Variants in TBL1X observed in about 807,000 individuals in gnomAD.
The protein encoded by TBL1X is transducin beta like 1 X-linked.
Under a neutral mutation model 50.7 loss-of-function variants are expected in TBL1X, and 10 were observed. That is an observed-to-expected ratio of 0.20 (90% CI 0.12 to 0.33). The LOEUF is 0.33. Among genes scored for constraint, TBL1X ranks in the 10% least tolerant of loss-of-function variants. The pLI is 1.00. For synonymous variants in TBL1X, 190 were observed against 214.7 expected (o/e 0.88, Z 1.01); for missense variants, 340 against 504.4 (o/e 0.67, Z 3.12).
chrX:9,508,734 A>G (rs2146956286), intron 2 of TBL1X, among the ~76,000 whole-genome samples: 1 of 112,235 alleles, frequency 8.9e-6, no homozygotes, highest in South Asian at 3.7e-4. Context: ...TGGCACATAT[A>G]CATCATGGAA....
intron 1 of TBL1X, among the ~76,000 whole-genome samples, chrX:9,481,021 G>T (rs986066811): frequency 3.6e-5 from 4 of 111,342 alleles, no homozygotes; most frequent in Non-Finnish European, 7.5e-5. Flanking sequence ...TTAAGTTATT[G>T]TATGCCACAG....
At chrX:9,621,001 G>A (rs1448524346) in intron 2 of TBL1X, among the ~76,000 whole-genome samples, 1 of 112,150 alleles carries the variant, frequency 8.9e-6, no homozygotes, top group African/African-American at 3.2e-5. Context: ...GGGAGTGAAG[G>A]TGTGGCATGT....
intron 1 of TBL1X, among the ~76,000 whole-genome samples, chrX:9,474,484 C>T (rs1199423067): frequency 2.7e-5 from 3 of 113,206 alleles, no homozygotes; most frequent in East Asian, 2.8e-4. Flanking sequence ...TCCAGAGGTA[C>T]AGGTATTAGT....
At chrX:9,712,164 C>T in intron 16 of TBL1X, among the ~76,000 whole-genome samples, 2 of 112,644 alleles carry the variant, frequency 1.8e-5, no homozygotes, top group Middle Eastern at 4.6e-3. Flanking sequence ...GTGCTGCTCT[C>T]TAGATACTGA....
chrX:9,508,879 G>A (rs939343046), intron 2 of TBL1X, among the ~76,000 whole-genome samples: 1 of 109,940 alleles, frequency 9.1e-6, no homozygotes. Flanking sequence ...AGGGGGAGTT[G>A]AACATTGAGA....
At chrX:9,553,424 C>T (rs768505000) in intron 2 of TBL1X, among the ~76,000 whole-genome samples, 1 of 111,989 alleles carries the variant, frequency 8.9e-6, no homozygotes, top group South Asian at 3.8e-4. Flanking sequence ...CATTGCACAT[C>T]GAGAACCTAA....
chrX:9,619,177 G>A (rs2082654000), intron 2 of TBL1X, among the ~76,000 whole-genome samples: 1 of 112,494 alleles, frequency 8.9e-6, no homozygotes, highest in African/African-American at 3.2e-5. Flanking sequence ...TATAACTTGA[G>A]TTTTCTATGA....
At chrX:9,479,966 T>G (rs375170613) in intron 1 of TBL1X, among the ~76,000 whole-genome samples, 41 of 31,933 alleles carry the variant, frequency 1.3e-3, no homozygotes, top group African/African-American at 1.9e-3. Flanking sequence ...GTGTGTGTGT[T>G]TGAGATGGAG....
At chrX:9,632,813 A>G (rs1450309784) in intron 2 of TBL1X, among the ~76,000 whole-genome samples, 2 of 112,053 alleles carry the variant, frequency 1.8e-5, no homozygotes, top group African/African-American at 6.5e-5. Flanking sequence ...TGTGGAAAAG[A>G]TATCAGTAAC....
Position 9,597,428 on chromosome X carries a change from ACT to A in TBL1X, c.-130-42842_-130-42841del, listed in dbSNP as rs1048264954. Among the ~76,000 whole-genome samples the A allele has an allele frequency of 4.5e-5, 5 of 111,070 alleles. 1 individual carries two copies. The Admixed American group carries it at 4.8e-4, about 11-fold the overall frequency. On this transcript the variant is annotated intron_variant, in intron 2 of 17. Transcript: ENST00000645353. Reference sequence around the variant, plus strand: ...GCCTCTGCCACTGAAGTTCCTTTTGACTCTGCAGAAGTCTTTACCTTTCATCT... The same window carrying A: ...GCCTCTGCCACTGAAGTTCCTTTTGACTGCAGAAGTCTTTACCTTTCATCT...
intron 2 of TBL1X, among the ~76,000 whole-genome samples, chrX:9,546,890 C>T (rs201214406): frequency 4.5e-4 from 38 of 84,603 alleles, no homozygotes; most frequent in Admixed American, 9.4e-4. Flanking sequence ...GCGATCTCGG[C>T]TCACTGCAAG....
At chrX:9,594,236 G>A (rs967449993) in intron 2 of TBL1X, among the ~76,000 whole-genome samples, 4 of 112,779 alleles carry the variant, frequency 3.5e-5, no homozygotes, top group Non-Finnish European at 7.5e-5. Flanking sequence ...AGATTAACTT[G>A]TGTGAAATTC....
At chrX:9,705,723 TAAAAAA>T (rs34666783) in intron 13 of TBL1X, among the ~76,000 whole-genome samples, 1 of 78,246 alleles carries the variant, frequency 1.3e-5, no homozygotes, top group Non-Finnish European at 2.4e-5. Context: ...CTTGTCTCTT[TAAAAAA>T]AAAAAAAAAA....
chrX:9,514,091 G>T (rs1170519612), intron 2 of TBL1X, among the ~76,000 whole-genome samples: 1 of 110,875 alleles, frequency 9.0e-6, no homozygotes, highest in African/African-American at 3.3e-5. Context: ...GTGAGATTTG[G>T]AAAGGGAAGA....
chrX:9,672,928 G>A (rs1051458510), intron 5 of TBL1X, among the ~76,000 whole-genome samples: 4 of 112,172 alleles, frequency 3.6e-5, no homozygotes, highest in African/African-American at 1.3e-4. Flanking sequence ...CAGGCTGGGA[G>A]TCCAACATCA....
intron 2 of TBL1X, chrX:9,639,843 C>T (rs1411515207): frequency 2.7e-5 from 3 of 111,774 alleles, no homozygotes; most frequent in African/African-American, 9.8e-5. Context: ...TGTCTTCTCC[C>T]GAGGGTGTGC....
rs928520815 is a variant in TBL1X at position 9,653,639 on chromosome X, G to A, written c.53G>A (p.Arg18Lys). 8.5e-7 allele frequency: 1 copy of A among 1,172,411 alleles called. No homozygotes were observed. Among genetic ancestry groups the A allele is most frequent in the African/African-American group, 1.8e-5 (1 of 56,161 alleles). ...TCGTGCTGCCACCGCCCTGCAGGAA[G>A]AGGGGCCATGCAGTCAGTCTTGCAC... Reference protein sequence around the residue: ...SSSCCHRPAGRGAMQSVLHHF... With the variant: ...SSSCCHRPAGKGAMQSVLHHF... The change falls in exon 4 of 18, where the codon AGA (arginine) becomes AAA (lysine). Residue 18 changes from arginine to lysine, a missense_variant. Around this residue, in one of 6 missense-constraint regions of TBL1X, gnomAD observed 41 missense variants for 48.6 expected, o/e 0.84. Coordinates refer to ENST00000645353, the MANE Select transcript of TBL1X (RefSeq NM_005647.4).
At chrX:9,512,089 T>C (rs990002094) in intron 2 of TBL1X, among the ~76,000 whole-genome samples, 2 of 110,829 alleles carry the variant, frequency 1.8e-5, no homozygotes, top group Non-Finnish European at 3.8e-5. Flanking sequence ...TAACTCCTGG[T>C]CTCAAGTGAT....
rs1353868118 is a variant in TBL1X, at chrX:9,479,937, A to AGTGTGTGTGTGTGTGTGTGTGTGT, written c.-201+14490_-201+14491insGTGTGTGTGTGTGTGTGTGTGTGT. Among the ~76,000 whole-genome samples, 308 of 37,883 alleles carry AGTGTGTGTGTGTGTGTGTGTGTGT rather than the reference A, an allele frequency of 8.1e-3. 2 individuals carry two copies. Among genetic ancestry groups the AGTGTGTGTGTGTGTGTGTGTGTGT allele is most frequent in the African/African-American group, 0.022 (289 of 13,173 alleles). 32.9% of individuals were successfully genotyped at this position (37,883 alleles called of 115,157 possible). On this transcript the variant is annotated intron_variant, in intron 1 of 17. Coordinates refer to ENST00000645353, the MANE Select transcript of TBL1X (RefSeq NM_005647.4). ...CATGCAAGGCGTAGAAGGAAAGTAGAATGTGTGTGTGTGTGTGTGTGTGTG... is the reference window on the plus strand; with the variant it reads ...CATGCAAGGCGTAGAAGGAAAGTAGAGTGTGTGTGTGTGTGTGTGTGTGTATGTGTGTGTGTGTGTGTGTGTGTG...
Sources: gnomAD v4.1 joint callset for allele counts (sites outside exome capture counted in the v4.1 genomes callset) on GRCh38, gnomAD v4.1.1 for gene constraint, gnomAD v4.1.1 regional missense constraint, MANE v1.5 for transcripts, NCBI Gene and HGNC (gene_info 2026-07-23, HGNC 2026-07-21) for gene names.